The following ABCD3 variants were observed in gnomAD, a reference collection of about 807,000 sequenced individuals.
ABCD3 encodes ATP binding cassette subfamily D member 3, also known as ATP-binding cassette sub-family D member 3.
ABCD3 carries 41 observed loss-of-function variants against 105.5 expected under a neutral mutation model. The observed-to-expected ratio is 0.39, with a 90% CI of 0.30 to 0.50. The LOEUF (loss-of-function observed/expected upper bound fraction) is 0.50, where lower values mean the gene tolerates loss of function less well. Ranked by LOEUF, ABCD3 falls within the 20% of genes least tolerant of loss-of-function variation. The probability of loss-of-function intolerance (pLI) is 0.84; values close to 1 mark genes in which losing one functional copy is unlikely to be tolerated. For missense variants in ABCD3, 622 were observed against 806.3 expected, an observed-to-expected ratio of 0.77 and a Z score of 2.77; for synonymous variants, 258 against 269.0, an observed-to-expected ratio of 0.96 and a Z score of 0.40.
chr1:94,507,747 G>A (rs878881845), intron 21 of ABCD3, among the ~76,000 whole-genome samples: 15 of 151,368 alleles, frequency 9.9e-5, no homozygotes, highest in African/African-American at 3.6e-4. Context: ...GCCAGTGATG[G>A]TGAGCATTGT....
chr1:94,490,002 A>G (rs1397025795), intron 15 of ABCD3, 27 bp downstream of exon 15: 3 of 1,584,678 alleles, frequency 1.9e-6, no homozygotes. Flanking sequence ...GTCTTTTAGC[A>G]CCATAAATGT....
the ABCD3 span, among the ~76,000 whole-genome samples, chr1:94,405,310 CTTT>C: frequency 8.2e-4 from 103 of 124,942 alleles, no homozygotes; most frequent in Admixed American, 8.7e-4. Flanking sequence ...CATTATCAAG[CTTT>C]TTTTTTTTTT....
Position 94,453,022 on chromosome 1 carries a change from G to T in ABCD3, c.111-5585G>T, listed in dbSNP as rs570414138. On this transcript the variant is annotated intron_variant, in intron 1 of 22. Coordinates refer to ENST00000370214, the MANE Select transcript of ABCD3 (RefSeq NM_002858.4). ...CAAAGCACTGGGATCCACCCGTCTG[G>T]CCTTCCAAAGTGCTCGGCCTTCCAA... Among the ~76,000 whole-genome samples, 24 of 152,268 alleles carry T rather than the reference G, an allele frequency of 1.6e-4. No homozygotes were observed. In the South Asian group the frequency reaches 4.4e-3, roughly 28 times the overall value.
chr1:94,388,002 C>T, the ABCD3 span, among the ~76,000 whole-genome samples: 2 of 152,090 alleles, frequency 1.3e-5, no homozygotes, highest in Non-Finnish European at 2.9e-5. Flanking sequence ...TCAAAGGTCA[C>T]ATAACTTAGA....
chr1:94,482,715 G>C, intron 9 of ABCD3: 1 of 172,520 alleles, frequency 5.8e-6, no homozygotes, highest in Non-Finnish European at 1.2e-5. Context: ...GTGGGACTTA[G>C]CCTGCTTTTC....
rs1650706919 is a variant in ABCD3, at chr1:94,512,206, TGACA to T, written c.1846-2934_1846-2931del. On this transcript the variant is annotated intron_variant, in intron 21 of 22. Coordinates refer to ENST00000370214, the MANE Select transcript of ABCD3 (RefSeq NM_002858.4). ...CCTTTCTGTTTGTTAGTTTTCCTTCTGACAGACAGGACCCTCACTACTGATTTCT... is the reference window on the plus strand; with the variant it reads ...CCTTTCTGTTTGTTAGTTTTCCTTCTGACAGGACCCTCACTACTGATTTCT... Among the ~76,000 whole-genome samples, 8 of 152,168 alleles carry T rather than the reference TGACA, an allele frequency of 5.3e-5. No homozygotes were observed. The South Asian group carries it at 1.7e-3, about 32-fold the overall frequency.
At chr1:94,437,111 C>T (rs935844282) in intron 1 of ABCD3, among the ~76,000 whole-genome samples, 21 of 152,084 alleles carry the variant, frequency 1.4e-4, no homozygotes, top group Non-Finnish European at 7.4e-5. Flanking sequence ...TATGAAATTG[C>T]GAGGTGAAAC....
intron 4 of ABCD3, among the ~76,000 whole-genome samples, chr1:94,468,262 A>G (rs1648259457): frequency 6.6e-6 from 1 of 152,240 alleles, no homozygotes; most frequent in African/African-American, 2.4e-5. Context: ...CAGTTTATCA[A>G]GAGTTAGAGA....
chr1:94,506,170 T>G (rs1650339791), intron 20 of ABCD3, among the ~76,000 whole-genome samples: 1 of 152,184 alleles, frequency 6.6e-6, no homozygotes, highest in East Asian at 1.9e-4. Flanking sequence ...TAGAGACCTT[T>G]TTGCGTCGGA....
At chr1:94,496,100 A>T (rs1231017662) in intron 16 of ABCD3, among the ~76,000 whole-genome samples, 2 of 152,210 alleles carry the variant, frequency 1.3e-5, no homozygotes, top group Non-Finnish European at 2.9e-5. Flanking sequence ...TGTAAAAATG[A>T]AATTTGGCTT....
intron 8 of ABCD3, chr1:94,478,621 T>C (rs890404828): frequency 7.1e-6 from 8 of 1,131,184 alleles, no homozygotes; most frequent in Non-Finnish European, 1.0e-5. Context: ...GAGGCTGAGA[T>C]GGGAGGATCG....
chr1:94,423,427 A>G (rs1388814525), intron 1 of ABCD3, among the ~76,000 whole-genome samples: 1 of 152,136 alleles, frequency 6.6e-6, no homozygotes, highest in Non-Finnish European at 1.5e-5. Flanking sequence ...TCTCCTAAAT[A>G]TTTCTCAGGA....
intron 1 of ABCD3, among the ~76,000 whole-genome samples, chr1:94,423,369 T>C (rs1201544351): frequency 1.3e-5 from 2 of 152,236 alleles, no homozygotes; most frequent in African/African-American, 4.8e-5. Context: ...GGGGTGAGTT[T>C]CCTGCTTTTA....
chr1:94,402,439 T>A, the ABCD3 span, among the ~76,000 whole-genome samples: 1 of 152,222 alleles, frequency 6.6e-6, no homozygotes, highest in Non-Finnish European at 1.5e-5. Flanking sequence ...TCTTTATGTA[T>A]GTGTGTGTTT....
intron 10 of ABCD3, among the ~76,000 whole-genome samples, chr1:94,484,575 G>A (rs1190673869): frequency 1.3e-5 from 2 of 152,106 alleles, no homozygotes; most frequent in Non-Finnish European, 2.9e-5. Context: ...TCATAGGTGG[G>A]AATTGAACAA....
At chr1:94,458,332 T>G (rs1255148980) in intron 1 of ABCD3, among the ~76,000 whole-genome samples, 3 of 152,328 alleles carry the variant, frequency 2.0e-5, no homozygotes, top group South Asian at 4.1e-4. Flanking sequence ...TGCATTTATG[T>G]TTGTATTTAT....
chr1:94,506,685 C>A, intron 21 of ABCD3, 43 bp downstream of exon 21: 1 of 1,403,198 alleles, frequency 7.1e-7, no homozygotes, highest in Non-Finnish European at 1.0e-6. Context: ...TGGCCTCCTA[C>A]CTAGTGTAAA....
chr1:94,437,341 A>G (rs978029326), intron 1 of ABCD3, among the ~76,000 whole-genome samples: 2 of 152,216 alleles, frequency 1.3e-5, no homozygotes, highest in African/African-American at 4.8e-5. Context: ...GCAGCAAGCA[A>G]TTTTAAGTTG....
At chr1:94,457,480 C>A (rs1168846508) in intron 1 of ABCD3, among the ~76,000 whole-genome samples, 1 of 151,932 alleles carries the variant, frequency 6.6e-6, no homozygotes, top group Non-Finnish European at 1.5e-5. Flanking sequence ...AATGTATGAC[C>A]CCTGTAGTAG....
Sources: gnomAD v4.1 joint callset for allele counts (sites outside exome capture counted in the v4.1 genomes callset) on GRCh38, gnomAD v4.1.1 for gene constraint, MANE v1.5 for transcripts, NCBI Gene and HGNC (gene_info 2026-07-23, HGNC 2026-07-21) for gene names.